NALF1: variants seen among roughly 807,000 people sequenced by gnomAD.
NALF1 encodes NALCN channel auxiliary factor 1.
Under a neutral mutation model 48.4 loss-of-function variants are expected in NALF1, and 3 were observed. That is an observed-to-expected ratio of 0.06 (90% confidence interval 0.03 to 0.16). The LOEUF is 0.16. Among genes scored for constraint, NALF1 ranks in the 10% least tolerant of loss-of-function variants. The probability of loss-of-function intolerance (pLI) is 1.00; values close to 1 mark genes in which losing one functional copy is unlikely to be tolerated. For missense variants in NALF1, 526 were observed against 571.5 expected, an observed-to-expected ratio of 0.92 and a Z score of 0.81; for synonymous variants, 262 against 245.7, an observed-to-expected ratio of 1.07 and a Z score of -0.62.
chr13:107,559,992 T>A (rs894386745), intron 1 of NALF1, among the ~76,000 whole-genome samples: 1 of 151,906 alleles, frequency 6.6e-6, no homozygotes. Flanking sequence ...GAGGCGGAGA[T>A]CTTCCCAAGG....
At chr13:107,453,576 G>A (rs997617599) in intron 1 of NALF1, among the ~76,000 whole-genome samples, 2 of 152,234 alleles carry the variant, frequency 1.3e-5, no homozygotes, top group Non-Finnish European at 2.9e-5. Context: ...CTCCAGGCCT[G>A]TGATGGGACA....
chr13:107,448,685 C>G (rs565379605), intron 1 of NALF1, among the ~76,000 whole-genome samples: 1 of 152,224 alleles, frequency 6.6e-6, no homozygotes, highest in East Asian at 1.9e-4. Flanking sequence ...TTTTAGGTGA[C>G]AAAGCATTTA....
chr13:107,178,434 CA>C (rs565895779), intron 2 of NALF1, among the ~76,000 whole-genome samples: 9 of 152,118 alleles, frequency 5.9e-5, no homozygotes, highest in Non-Finnish European at 1.2e-4. Flanking sequence ...ATACAAATGG[CA>C]AACAGGTATA....
intron 1 of NALF1, among the ~76,000 whole-genome samples, chr13:107,659,780 C>T (rs1880679433): frequency 1.3e-5 from 2 of 151,688 alleles, no homozygotes; most frequent in Admixed American, 1.3e-4. Context: ...CAGGTGGTCC[C>T]TCACTTTTAA....
intron 1 of NALF1, among the ~76,000 whole-genome samples, chr13:107,284,233 G>A: frequency 6.6e-6 from 1 of 152,112 alleles, no homozygotes; most frequent in East Asian, 1.9e-4. Context: ...TGCTTACAAA[G>A]ACCCTGGAGA....
Position 107,742,968 on chromosome 13 carries a change from T to C in NALF1, c.915+122714A>G, listed in dbSNP as rs190163294. 1.6e-3 allele frequency among the ~76,000 whole-genome samples: 248 copies of C among 152,330 alleles called. 2 individuals are homozygous for C. Among genetic ancestry groups the C allele is most frequent in the African/African-American group, 5.9e-3 (244 of 41,576 alleles). ...TATGGCAGTGGTATCCCACACCAAT[T>C]TCCTCAGCACACAGATTTCTCAAGC... On this transcript the variant is annotated intron_variant, in intron 1 of 2. Coordinates refer to ENST00000375915, the MANE Select transcript of NALF1 (RefSeq NM_001080396.3).
At chr13:107,248,840 A>G (rs578025211) in intron 1 of NALF1, among the ~76,000 whole-genome samples, 1 of 150,960 alleles carries the variant, frequency 6.6e-6, no homozygotes, top group African/African-American at 2.5e-5. Context: ...TACAGAGTTC[A>G]GAAATAGGCA....
At chr13:107,374,795 A>C (rs1594143072) in intron 1 of NALF1, among the ~76,000 whole-genome samples, 1 of 151,930 alleles carries the variant, frequency 6.6e-6, no homozygotes, top group African/African-American at 2.4e-5. Flanking sequence ...GCCCCTCTTG[A>C]ACTCTCTCAC....
In NALF1 at chr13:107,529,133, C is replaced by T. The variant is rs922502816; in HGVS notation, c.916-318378G>A. 2.6e-5 allele frequency among the ~76,000 whole-genome samples: 4 copies of T among 152,250 alleles called. No individual in the cohort carries two copies. In the East Asian group the frequency reaches 7.8e-4, roughly 30 times the overall value. ...TATTTCATTTGCTTAACAAGATCTT[C>T]CCACCAGAGAGAGAGAAGCCTAATG... On this transcript the variant is annotated intron_variant, in intron 1 of 2. Transcript: ENST00000375915.
rs35254661 is a variant in NALF1, at chr13:107,819,683, TTCTCTCTCTCTC to T, written c.915+45987_915+45998del. ...TGAATCTGCTGTCTCCAGCTGGAAA[TTCTCTCTCTCTC>T]TCTCTCTCTCTCTCTCTCTCTCTGG... On this transcript the variant is annotated intron_variant, in intron 1 of 2. Transcript: ENST00000375915. Among the ~76,000 whole-genome samples the T allele has an allele frequency of 5.1e-5, 7 of 136,468 alleles. No homozygotes were observed. The South Asian group carries it at 1.0e-3, about 20-fold the overall frequency. 89.5% of individuals were successfully genotyped at this position (136,468 alleles called of 152,430 possible). A position where few individuals can be genotyped will look rare whatever the true frequency, so the allele number is the denominator to read the frequency against.
intron 1 of NALF1, among the ~76,000 whole-genome samples, chr13:107,742,336 G>C (rs559114568): frequency 1.3e-5 from 2 of 152,316 alleles, no homozygotes; most frequent in South Asian, 4.1e-4. Flanking sequence ...TGGTTTGGCT[G>C]TGTCCCCACT....
intron 1 of NALF1, among the ~76,000 whole-genome samples, chr13:107,779,064 T>C (rs963721237): frequency 2.6e-5 from 4 of 152,242 alleles, no homozygotes; most frequent in Non-Finnish European, 5.9e-5. Flanking sequence ...AAGCTAATTA[T>C]TTCATATTTT....
At chr13:107,471,175 T>G (rs1056378879) in intron 1 of NALF1, among the ~76,000 whole-genome samples, 3 of 152,204 alleles carry the variant, frequency 2.0e-5, no homozygotes, top group African/African-American at 7.2e-5. Context: ...TGTGTGCGCA[T>G]AACGCTATTT....
At chr13:107,326,612 A>G (rs866536446) in intron 1 of NALF1, among the ~76,000 whole-genome samples, 4 of 152,298 alleles carry the variant, frequency 2.6e-5, no homozygotes, top group Non-Finnish European at 2.9e-5. Context: ...CACTGAGAGG[A>G]TTGAGTAATA....
chr13:107,528,216 C>T (rs1876506799), intron 1 of NALF1, among the ~76,000 whole-genome samples: 1 of 151,714 alleles, frequency 6.6e-6, no homozygotes, highest in Non-Finnish European at 1.5e-5. Flanking sequence ...ACATGTTAGA[C>T]CTATTAGAAA....
intron 1 of NALF1, among the ~76,000 whole-genome samples, chr13:107,675,555 G>A (rs1881097610): frequency 6.6e-6 from 1 of 152,082 alleles, no homozygotes; most frequent in South Asian, 2.1e-4. Context: ...TCATATTGAA[G>A]TCCTCAAATA....
At chr13:107,758,262 G>A (rs1267309687) in intron 1 of NALF1, among the ~76,000 whole-genome samples, 1 of 152,132 alleles carries the variant, frequency 6.6e-6, no homozygotes, top group Non-Finnish European at 1.5e-5. Flanking sequence ...GTGGGTGTTA[G>A]GCTAACTAAA....
intron 1 of NALF1, among the ~76,000 whole-genome samples, chr13:107,553,524 G>T (rs764864526): frequency 6.6e-6 from 1 of 152,116 alleles, no homozygotes; most frequent in Non-Finnish European, 1.5e-5. Context: ...TGCTTCTGAA[G>T]TTAGCATTAT....
In NALF1 at chr13:107,551,902, G is replaced by A. The variant is rs114387426; in HGVS notation, c.915+313780C>T. On this transcript the variant is annotated intron_variant, in intron 1 of 2. Coordinates refer to ENST00000375915, the MANE Select transcript of NALF1 (RefSeq NM_001080396.3). Reference sequence around the variant, plus strand: ...TCAGTCATTAAATTTTCTTTCCTAAGAGCAAGTAGTTAATAAAACAATCAG... The same window carrying A: ...TCAGTCATTAAATTTTCTTTCCTAAAAGCAAGTAGTTAATAAAACAATCAG... 6.2e-3 allele frequency among the ~76,000 whole-genome samples: 944 copies of A among 152,140 alleles called. 5 individuals are homozygous for A. The highest frequency in any genetic ancestry group is 0.022 in the African/African-American group (909 of 41,542).
Sources: allele counts gnomAD v4.1 joint callset (sites outside exome capture counted in the v4.1 genomes callset), GRCh38; gene constraint gnomAD v4.1.1; transcripts MANE v1.5; gene names NCBI Gene and HGNC (gene_info 2026-07-23, HGNC 2026-07-21).